The following LCORL variants were observed in gnomAD, a reference collection of about 807,000 sequenced individuals.
The protein encoded by LCORL is ligand dependent nuclear receptor corepressor like.
LCORL carries 41 observed loss-of-function variants against 141.8 expected under a neutral mutation model. The ratio of observed to expected loss-of-function variants is 0.29; its 90% CI spans 0.23 to 0.38. The LOEUF is 0.38. Ranked by LOEUF, LCORL falls within the 10% of genes least tolerant of loss-of-function variation. The pLI is 1.00. For missense variants in LCORL, 1,759 were observed against 2,035.0 expected, an observed-to-expected ratio of 0.86 and a Z score of 2.61; for synonymous variants, 618 against 694.1, an observed-to-expected ratio of 0.89 and a Z score of 1.72.
intron 4 of LCORL, among the ~76,000 whole-genome samples, chr4:17,959,600 A>G (rs1219941747): frequency 6.6e-6 from 1 of 152,092 alleles, no homozygotes; most frequent in Non-Finnish European, 1.5e-5. Context: ...GTAATAGCTT[A>G]TATTTATCAT....
intron 4 of LCORL, among the ~76,000 whole-genome samples, chr4:17,960,560 C>T (rs1577554577): frequency 6.6e-6 from 1 of 152,040 alleles, no homozygotes; most frequent in East Asian, 1.9e-4. Flanking sequence ...ATAATTTTTC[C>T]TGTAAGTGAA....
At chr4:17,892,717 G>C (rs955318522) in intron 5 of LCORL, among the ~76,000 whole-genome samples, 1 of 152,022 alleles carries the variant, frequency 6.6e-6, no homozygotes, top group African/African-American at 2.4e-5. Flanking sequence ...TTAAAATAAG[G>C]CTTCAACATT....
intron 5 of LCORL, among the ~76,000 whole-genome samples, chr4:17,905,476 G>A (rs11938911): frequency 0.039 from 5,954 of 151,870 alleles, 392 homozygotes; most frequent in African/African-American, 0.14. Context: ...TTTGTAAGTT[G>A]AAATATTTCT....
At chr4:17,881,202 T>A (rs934962862) in intron 6 of LCORL, 4 of 981,690 alleles carry the variant, frequency 4.1e-6, no homozygotes, top group Non-Finnish European at 4.8e-6. Flanking sequence ...TTCAAATAAG[T>A]AGAAAGCACA....
intron 2 of LCORL, among the ~76,000 whole-genome samples, chr4:17,971,099 A>G (rs904850212): frequency 6.6e-6 from 1 of 152,106 alleles, no homozygotes; most frequent in Non-Finnish European, 1.5e-5. Context: ...TGTGCTATTT[A>G]AAAGTTTCAT....
At chr4:17,909,466 C>A (rs923855295) in intron 4 of LCORL, 121 bp from the exon 5 acceptor site, 2 of 577,306 alleles carry the variant, frequency 3.5e-6, no homozygotes, top group Admixed American at 7.4e-5. Flanking sequence ...TCCATAACTC[C>A]CAATGTTTTC....
chr4:17,889,432 T>C (rs1472722265), intron 5 of LCORL, among the ~76,000 whole-genome samples: 1 of 152,138 alleles, frequency 6.6e-6, no homozygotes, highest in South Asian at 2.1e-4. Flanking sequence ...TTCTGTCACA[T>C]TGCATTAAAA....
chr4:17,846,335 G>T (rs917454725), intron 7 of LCORL, among the ~76,000 whole-genome samples: 1 of 152,084 alleles, frequency 6.6e-6, no homozygotes, highest in African/African-American at 2.4e-5. Context: ...TTTTGCAAAA[G>T]CCAAGTAAGG....
At chr4:17,951,968 A>G (rs1739790666) in intron 4 of LCORL, among the ~76,000 whole-genome samples, 1 of 152,216 alleles carries the variant, frequency 6.6e-6, no homozygotes, top group South Asian at 2.1e-4. Context: ...ACAGTTGGTA[A>G]ATTCATGAGT....
chr4:17,926,364 G>A (rs529098075), intron 4 of LCORL, among the ~76,000 whole-genome samples: 6 of 152,282 alleles, frequency 3.9e-5, no homozygotes, highest in South Asian at 2.1e-4. Context: ...AGCAGGCAGC[G>A]GAATGTGGAA....
chr4:17,893,323 T>C (rs1461006304), intron 5 of LCORL: 1 of 890,660 alleles, frequency 1.1e-6, no homozygotes, highest in Non-Finnish European at 1.3e-6. Flanking sequence ...TGTTTATTTA[T>C]ATATACAAGA....
At chr4:17,857,743 T>C (rs947646306) in intron 7 of LCORL, among the ~76,000 whole-genome samples, 25 of 152,228 alleles carry the variant, frequency 1.6e-4, no homozygotes, top group African/African-American at 5.5e-4. Flanking sequence ...AAAATGTCTC[T>C]GTATATGCCC....
chr4:17,993,501 G>A lies in LCORL; in HGVS notation c.155-20616C>T, dbSNP rs538951751. On this transcript the variant is annotated intron_variant, in intron 1 of 7. Coordinates refer to ENST00000635767, the Ensembl canonical transcript of LCORL. ...ATTACAGGCGGGAGCCACCACACCC[G>A]GCCTAATTAAATTTAAATACCTATG... is the stretch of plus-strand genomic sequence containing the variant. 3.8e-4 allele frequency among the ~76,000 whole-genome samples: 58 copies of A among 151,914 alleles called. 1 individual carries two copies. In the South Asian group the frequency reaches 9.6e-3, roughly 25 times the overall value.
intron 4 of LCORL, among the ~76,000 whole-genome samples, chr4:17,925,742 G>T: frequency 6.6e-6 from 1 of 151,810 alleles, no homozygotes; most frequent in East Asian, 1.9e-4. Flanking sequence ...GTGGTGGCAC[G>T]CACCTGTAAT....
At chr4:18,005,270 C>T (rs115341792) in intron 1 of LCORL, among the ~76,000 whole-genome samples, 180 of 152,322 alleles carry the variant, frequency 1.2e-3, no homozygotes, top group Non-Finnish European at 1.9e-3. Context: ...CCATGTCACA[C>T]ATCCAGGTCA....
At chr4:17,863,286 G>A (rs1429446642) in intron 7 of LCORL, among the ~76,000 whole-genome samples, 3 of 151,978 alleles carry the variant, frequency 2.0e-5, no homozygotes, top group Admixed American at 6.6e-5. Flanking sequence ...ACTGCACTCC[G>A]GCCTGGGCAA....
chr4:17,873,441 T>C, exon 7 of LCORL: 1 of 1,232,498 alleles, frequency 8.1e-7, no homozygotes, highest in Non-Finnish European at 1.0e-6. Context: ...AGACTGTCGT[T>C]TATGTCTTTT....
chr4:17,878,201 A>T, exon 7 of LCORL: 2 of 1,229,392 alleles, frequency 1.6e-6, no homozygotes, highest in Non-Finnish European at 2.0e-6. Flanking sequence ...CTGATTTTGC[A>T]TCAACAGTTG....
intron 7 of LCORL, chr4:17,866,899 T>C (rs1725737565): frequency 4.8e-6 from 3 of 628,492 alleles, no homozygotes; most frequent in South Asian, 1.4e-4. Context: ...ATTTAGACCT[T>C]GAGGCAGGAA....
Sources: allele counts gnomAD v4.1 joint callset (sites outside exome capture counted in the v4.1 genomes callset), GRCh38; gene constraint gnomAD v4.1.1; transcripts MANE v1.5; gene names NCBI Gene and HGNC (gene_info 2026-07-23, HGNC 2026-07-21).